Variants in ZNF446 observed in about 807,000 individuals in gnomAD.
ZNF446 encodes the protein zinc finger protein with KRAB and SCAN domains 20.
In ZNF446, 42 loss-of-function variants were observed where a neutral mutation model predicts 34.0. The observed-to-expected ratio is 1.23, with a 90% confidence interval of 0.96 to 1.60. The LOEUF (loss-of-function observed/expected upper bound fraction) is 1.60. Ranked by LOEUF, ZNF446 falls within the 40% of genes most tolerant of loss-of-function variation. ZNF446 has a pLI of 0.00. For synonymous variants in ZNF446, 315 were observed against 251.0 expected, an observed-to-expected ratio of 1.25 and a Z score of -2.41; for missense variants, 650 against 600.2, an observed-to-expected ratio of 1.08 and a Z score of -0.87.
rs753159334 is a variant in ZNF446, at chr19:58,477,793, AAGG to A, written c.505_507del (p.Glu169del). On this transcript the variant is annotated inframe_deletion, in exon 3 of 7. Coordinates refer to ENST00000594369, the MANE Select transcript of ZNF446 (RefSeq NM_017908.4). Reference sequence around the variant, plus strand: ...GTCTGTCCAGCTCAGCTGCAGTGTGAAGGAGGAGCCCAATGTCGATGGACAGGA... The same window carrying A: ...GTCTGTCCAGCTCAGCTGCAGTGTGAAGGAGCCCAATGTCGATGGACAGGA... The A allele has an allele frequency of 4.4e-6, 7 of 1,589,050 alleles. No homozygotes were observed. Among genetic ancestry groups the A allele is most frequent in the Middle Eastern group, 1.7e-4 (1 of 5,954 alleles).
In ZNF446 at chr19:58,480,364, C is replaced by T; in HGVS notation, c.991C>T (p.Pro331Ser). 7.5e-6 allele frequency: 12 copies of T among 1,606,396 alleles called. No homozygotes were observed. The highest frequency in any genetic ancestry group is 7.6e-6 in the Non-Finnish European group (9 of 1,177,342). ...RLEPAATPRK[P>S]YTCEQCGRGF... ...GGAGCCGGCTGCCACCCCCAGGAAG[C>T]CCTACACGTGCGAGCAGTGTGGCCG... The change falls in exon 7 of 7, where the codon CCC becomes TCC. Residue 331 changes from proline (P) to serine (S), a missense_variant. Coordinates refer to ENST00000594369, the MANE Select transcript of ZNF446 (RefSeq NM_017908.4). This position sits in a 1 kb window ranked among gnomAD's most constrained non-coding sequence, Gnocchi z 7.2.
the ZNF446 span, among the ~76,000 whole-genome samples, chr19:58,486,746 G>A: frequency 6.7e-6 from 1 of 149,556 alleles, no homozygotes; most frequent in South Asian, 2.1e-4. Flanking sequence ...ATGAGGTCTC[G>A]CCATGTTGCC....
rs1568617200 is a variant in ZNF446, at chr19:58,478,113, C to G, written c.559C>G (p.Gln187Glu). The G allele has an allele frequency of 1.9e-6, 3 of 1,613,850 alleles. No individual in the cohort carries two copies. The highest frequency in any genetic ancestry group is 2.7e-5 in the African/African-American group (2 of 74,914). The change falls in exon 4 of 7, where the codon CAG (glutamine) becomes GAG (glutamate). Residue 187 changes from glutamine (Q) to glutamate (E), a missense_variant. Coordinates refer to ENST00000594369, the MANE Select transcript of ZNF446 (RefSeq NM_017908.4). The part of the protein sequence containing the change: ...VAPSSPPLAA[Q>E]SPEGNHGHQE... ...ACCCTCCAGCCCTCCACTTGCAGCA[C>G]AGTCCCCTGAGGGGAACCATGGACA...
the ZNF446 span, among the ~76,000 whole-genome samples, chr19:58,486,438 G>A: frequency 6.7e-5 from 10 of 150,272 alleles, no homozygotes; most frequent in East Asian, 2.0e-4. Context: ...ACGAAGTCTC[G>A]CTCTTATTCC....
the ZNF446 span, among the ~76,000 whole-genome samples, chr19:58,488,678 C>T: frequency 3.3e-5 from 5 of 151,600 alleles, no homozygotes; most frequent in Admixed American, 1.3e-4. Context: ...GGTGGAACCC[C>T]GTCTCTACTA....
chr19:58,487,498 C>A, the ZNF446 span, among the ~76,000 whole-genome samples: 1 of 152,170 alleles, frequency 6.6e-6, no homozygotes, highest in East Asian at 1.9e-4. Flanking sequence ...CCTCGACAAA[C>A]CCAGAAGGTA....
At position 58,480,414 on chromosome 19, in the gene ZNF446, C is replaced by T. The variant is rs61731809; in HGVS notation, c.1041C>T (p.Phe347=). Residue 347 remains phenylalanine, a synonymous_variant, in exon 7 of 7, where the codon TTC becomes TTT. Coordinates refer to ENST00000594369, the MANE Select transcript of ZNF446 (RefSeq NM_017908.4). This position sits in a 1 kb window ranked among gnomAD's most constrained non-coding sequence, Gnocchi z 7.2. ...GCGGCTTCGACTGGAAGTCAGTGTT[C>T]GTCATCCACCACCGGACACACACGA... The part of the protein sequence containing the change: ...CGRGFDWKSV[F]VIHHRTHTSG... The T allele has an allele frequency of 2.7e-3, 4,349 of 1,612,350 alleles. 75 individuals carry two copies. In the African/African-American group the frequency reaches 0.045, roughly 17 times the overall value.
At chr19:58,488,465 C>G in the ZNF446 span, among the ~76,000 whole-genome samples, 1 of 151,162 alleles carries the variant, frequency 6.6e-6, no homozygotes, top group South Asian at 2.1e-4. Flanking sequence ...AGATACACAT[C>G]AATATAACGT....
chr19:58,489,158 C>A, the ZNF446 span, among the ~76,000 whole-genome samples: 1 of 152,178 alleles, frequency 6.6e-6, no homozygotes, highest in Non-Finnish European at 1.5e-5. Flanking sequence ...GCCTGGGGAC[C>A]AGATGGCCTT....
chr19:58,484,827 G>T (rs1450318104), downstream of ZNF446, among the ~76,000 whole-genome samples: 1 of 152,188 alleles, frequency 6.6e-6, no homozygotes, highest in African/African-American at 2.4e-5. Context: ...GGAGGCCAAG[G>T]CAGGGAGATT....
At chr19:58,486,724 G>A in the ZNF446 span, among the ~76,000 whole-genome samples, 55 of 150,462 alleles carry the variant, frequency 3.7e-4, no homozygotes, top group African/African-American at 5.4e-4. Flanking sequence ...TTTTGGGGGG[G>A]GGCGGGGAGA....
rs2053134623 is a variant in ZNF446 at position 58,480,821 on chromosome 19, G to T, written c.*95G>T. On this transcript the variant is annotated 3_prime_UTR_variant, in exon 7 of 7. Coordinates refer to ENST00000594369, the MANE Select transcript of ZNF446 (RefSeq NM_017908.4). This position sits in a 1 kb window ranked among gnomAD's most constrained non-coding sequence, Gnocchi z 7.2. ...GCAGAAGACTCTGGAGGCAGCAGGG[G>T]ATGCCAGAGTGAACAAGGGGTCCCA... 2 of 1,441,620 alleles carry T rather than the reference G, an allele frequency of 1.4e-6. No individual in the cohort carries two copies. Among genetic ancestry groups the T allele is most frequent in the Non-Finnish European group, 1.9e-6 (2 of 1,071,272 alleles). 89.3% of individuals were successfully genotyped at this position (1,441,620 alleles called of 1,614,324 possible). A position where few individuals can be genotyped will look rare whatever the true frequency, so the allele number is the denominator to read the frequency against.
At chr19:58,476,644 G>C (rs1457675548) in intron 1 of ZNF446, 140 bp downstream of exon 1, 1 of 152,198 alleles carries the variant, frequency 6.6e-6, no homozygotes, top group Admixed American at 6.5e-5. Flanking sequence ...AGTGTGAGTC[G>C]CCCACGGCTC....
Position 58,479,994 on chromosome 19 carries a change from A to G in ZNF446, c.777A>G (p.Thr259=). Residue 259 remains threonine, a synonymous_variant, in exon 6 of 7, where the codon ACA becomes ACG. Transcript: ENST00000594369. ...AGCTGGGGATGCTGCTCACGGGGAC[A>G]GGCGTCTGCAGAAGCCTGCGCTCGG... ...QSELGMLLTG[T]GVCRSLRSGN... is the part of the protein sequence containing the mutation. 1 of 1,589,018 alleles carries G rather than the reference A, an allele frequency of 6.3e-7. No individual in the cohort carries two copies. Among genetic ancestry groups the G allele is most frequent in the Non-Finnish European group, 8.5e-7 (1 of 1,170,748 alleles).
the ZNF446 span, among the ~76,000 whole-genome samples, chr19:58,489,007 C>T: frequency 6.6e-6 from 1 of 152,188 alleles, no homozygotes; most frequent in East Asian, 1.9e-4. Context: ...TTCCATCTTG[C>T]TTCTAACCTC....
At chr19:58,477,934 G>A in intron 3 of ZNF446, 108 bp downstream of exon 3, 1 of 1,340,174 alleles carries the variant, frequency 7.5e-7, no homozygotes, top group Non-Finnish European at 1.0e-6. Flanking sequence ...GACTCCTGAA[G>A]TGAATGTGGA....
At chr19:58,476,946 C>T (rs1170792617) in intron 1 of ZNF446, among the ~76,000 whole-genome samples, 2 of 152,182 alleles carry the variant, frequency 1.3e-5, no homozygotes, top group African/African-American at 4.8e-5. Flanking sequence ...TTCCAGGAAG[C>T]TCCCTGGACA....
At chr19:58,486,589 G>T in the ZNF446 span, among the ~76,000 whole-genome samples, 1 of 147,942 alleles carries the variant, frequency 6.8e-6, no homozygotes, top group East Asian at 2.1e-4. Flanking sequence ...TGTATTTTTA[G>T]TAGAGGCGGG....
chr19:58,479,665 G>A lies in ZNF446; in HGVS notation c.650G>A (p.Arg217Gln), dbSNP rs145267240. Residue 217 changes from arginine (R) to glutamine (Q), a missense_variant, in exon 5 of 7, where the codon CGG (arginine) becomes CAG (glutamine). Transcript: ENST00000594369. ...RIQEEWGLLD[R>Q]SQKELYWDAM... is the part of the protein sequence containing the mutation. ...CAGGAGGAGTGGGGGCTGCTGGACC[G>A]GTCACAGAAGGAACTGTACTGGGAT... 3.4e-4 allele frequency: 551 copies of A among 1,613,678 alleles called. 1 individual carries two copies. The highest frequency in any genetic ancestry group is 4.4e-4 in the Non-Finnish European group (524 of 1,179,944).
Sources: allele counts gnomAD v4.1 joint callset (sites outside exome capture counted in the v4.1 genomes callset), GRCh38; gene constraint gnomAD v4.1.1; non-coding constraint Gnocchi (gnomAD v3.1); transcripts MANE v1.5; gene names NCBI Gene and HGNC (gene_info 2026-07-23, HGNC 2026-07-21).